The following KCNT2 variants were observed in gnomAD, a reference collection of about 807,000 sequenced individuals.
KCNT2 encodes the protein potassium channel subfamily T member 2.
Under a neutral mutation model 153.8 loss-of-function variants are expected in KCNT2, and 67 were observed. That is an observed-to-expected ratio of 0.44 (90% CI 0.36 to 0.53). KCNT2 has a LOEUF of 0.53. KCNT2 is among the 20% of genes least tolerant of loss of function. The pLI is 0.00. For synonymous variants in KCNT2, 500 were observed against 458.8 expected (o/e 1.09, Z -1.15); for missense variants, 975 against 1,354.8 (o/e 0.72, Z 4.40).
intron 13 of KCNT2, among the ~76,000 whole-genome samples, chr1:196,390,194 T>C (rs1256158933): frequency 1.3e-5 from 2 of 151,610 alleles, no homozygotes; most frequent in South Asian, 4.1e-4. Context: ...CTAGGTTATA[T>C]TGTCACTTTT....
At chr1:196,253,858 A>C (rs1656218516) in intron 26 of KCNT2, among the ~76,000 whole-genome samples, 1 of 151,574 alleles carries the variant, frequency 6.6e-6, no homozygotes, top group African/African-American at 2.4e-5. Flanking sequence ...AATAACAAAA[A>C]AATTTTATTT....
At chr1:196,363,820 G>T (rs1667822313) in intron 14 of KCNT2, among the ~76,000 whole-genome samples, 1 of 152,152 alleles carries the variant, frequency 6.6e-6, no homozygotes, top group African/African-American at 2.4e-5. Context: ...ACTAAGACAT[G>T]TTTGCTCATT....
chr1:196,453,676 G>A (rs779796708), intron 8 of KCNT2, among the ~76,000 whole-genome samples: 9 of 151,832 alleles, frequency 5.9e-5, no homozygotes, highest in African/African-American at 9.7e-5. Context: ...ATCCAATGGG[G>A]GGATAATTCA....
intron 1 of KCNT2, among the ~76,000 whole-genome samples, chr1:196,563,298 C>G (rs1008015554): frequency 6.6e-6 from 1 of 151,502 alleles, no homozygotes; most frequent in Non-Finnish European, 1.5e-5. Context: ...GAAGAAATAC[C>G]GTGACTGCTT....
chr1:196,469,460 G>A (rs1677899371), intron 5 of KCNT2, among the ~76,000 whole-genome samples: 1 of 152,056 alleles, frequency 6.6e-6, no homozygotes, highest in Non-Finnish European at 1.5e-5. Context: ...ATATTAGTTT[G>A]TGAAACGTAC....
intron 1 of KCNT2, among the ~76,000 whole-genome samples, chr1:196,518,566 A>G (rs979561854): frequency 1.3e-5 from 2 of 152,102 alleles, no homozygotes; most frequent in Admixed American, 6.6e-5. Flanking sequence ...GGATCAAAAT[A>G]CAGGGATGGA....
chr1:196,384,758 C>T (rs1180941050), intron 13 of KCNT2, among the ~76,000 whole-genome samples: 3 of 148,310 alleles, frequency 2.0e-5, no homozygotes, highest in Non-Finnish European at 3.0e-5. Flanking sequence ...GCAACCATTA[C>T]TCTGGACAAA....
intron 26 of KCNT2, among the ~76,000 whole-genome samples, chr1:196,255,128 C>T (rs1258640510): frequency 1.3e-5 from 2 of 151,370 alleles, no homozygotes; most frequent in Admixed American, 1.3e-4. Context: ...TGTTCGTGAG[C>T]GTGAGAGTCA....
chr1:196,532,461 G>A (rs1428074331), intron 1 of KCNT2, among the ~76,000 whole-genome samples: 2 of 151,448 alleles, frequency 1.3e-5, no homozygotes, highest in Admixed American at 6.6e-5. Flanking sequence ...CTTATTAACA[G>A]GAAAGGGAAA....
chr1:196,256,479 AT>A (rs1656510495), intron 26 of KCNT2, among the ~76,000 whole-genome samples: 1 of 152,010 alleles, frequency 6.6e-6, no homozygotes, highest in African/African-American at 2.4e-5. Flanking sequence ...CTGCTCTATG[AT>A]ATTAGTGACA....
chr1:196,545,002 A>G (rs942366473), intron 1 of KCNT2, among the ~76,000 whole-genome samples: 6 of 152,134 alleles, frequency 3.9e-5, no homozygotes, highest in Non-Finnish European at 7.4e-5. Flanking sequence ...ACAGGAAAAA[A>G]GGGGGAAAAA....
chr1:196,360,190 T>C (rs956915006), intron 14 of KCNT2, among the ~76,000 whole-genome samples: 10 of 152,090 alleles, frequency 6.6e-5, no homozygotes, highest in African/African-American at 2.4e-4. Context: ...AAAGTAAGAT[T>C]AAGAACTTAC....
intron 1 of KCNT2, among the ~76,000 whole-genome samples, chr1:196,566,160 A>G (rs1660084533): frequency 6.6e-6 from 1 of 152,052 alleles, no homozygotes; most frequent in Non-Finnish European, 1.5e-5. Flanking sequence ...ACAGGAGATC[A>G]CTAAAGATCC....
At chr1:196,394,009 C>T (rs987199671) in intron 13 of KCNT2, among the ~76,000 whole-genome samples, 1 of 151,496 alleles carries the variant, frequency 6.6e-6, no homozygotes, top group African/African-American at 2.4e-5. Context: ...AAAAAAGTCT[C>T]TCACTGGAAA....
intron 13 of KCNT2, among the ~76,000 whole-genome samples, chr1:196,376,410 T>A (rs1290521995): frequency 1.3e-5 from 2 of 151,826 alleles, no homozygotes; most frequent in African/African-American, 4.8e-5. Flanking sequence ...GTAGAAAAAA[T>A]AAAGGGTTAA....
At chr1:196,265,509 C>T (rs1049576546) in intron 25 of KCNT2, among the ~76,000 whole-genome samples, 22 of 152,108 alleles carry the variant, frequency 1.4e-4, no homozygotes, top group Non-Finnish European at 1.0e-4. Context: ...ATGTGGCTGA[C>T]ACTAGGCACA....
chr1:196,413,672 T>A (rs1558260948), intron 12 of KCNT2, among the ~76,000 whole-genome samples: 1 of 151,664 alleles, frequency 6.6e-6, no homozygotes, highest in Non-Finnish European at 1.5e-5. Context: ...CACAATGAAA[T>A]TACACTTAAT....
chr1:196,483,781 T>C (rs541033710), intron 3 of KCNT2, among the ~76,000 whole-genome samples: 1 of 152,292 alleles, frequency 6.6e-6, no homozygotes, highest in Non-Finnish European at 1.5e-5. Context: ...TTAATGGCTG[T>C]ATCCTTGCAA....
At chr1:196,464,712 T>C (rs188609507) in intron 8 of KCNT2, among the ~76,000 whole-genome samples, 3 of 152,092 alleles carry the variant, frequency 2.0e-5, no homozygotes, top group East Asian at 3.9e-4. Context: ...ATATTTCATG[T>C]TGGATTACTC....
Sources: gnomAD v4.1 joint callset for allele counts (sites outside exome capture counted in the v4.1 genomes callset) on GRCh38, gnomAD v4.1.1 for gene constraint, MANE v1.5 for transcripts, NCBI Gene and HGNC (gene_info 2026-07-23, HGNC 2026-07-21) for gene names.